Variants in ANKRD26 observed in about 807,000 individuals in gnomAD.
ANKRD26 encodes ankyrin repeat domain 26.
A neutral mutation model predicts 208.7 loss-of-function variants in ANKRD26; 141 were observed. That is an observed-to-expected ratio of 0.68 (90% CI 0.59 to 0.78). The LOEUF (loss-of-function observed/expected upper bound fraction) is 0.78. Ranked by LOEUF, ANKRD26 falls within the 30% of genes least tolerant of loss-of-function variation. The pLI is 0.00. For synonymous variants in ANKRD26, 636 were observed against 660.4 expected, an observed-to-expected ratio of 0.96 and a Z score of 0.57; for missense variants, 1,889 against 1,938.7, an observed-to-expected ratio of 0.97 and a Z score of 0.48.
At chr10:26,978,919 A>T (rs1250214782) in intron 5 of ANKRD26, among the ~76,000 whole-genome samples, 1 of 152,140 alleles carries the variant, frequency 6.6e-6, no homozygotes. Context: ...GTCCTACACC[A>T]ACTTAGAAAT....
intron 3 of ANKRD26, among the ~76,000 whole-genome samples, chr10:26,986,762 T>C (rs1307132963): frequency 6.6e-6 from 1 of 152,216 alleles, no homozygotes; most frequent in African/African-American, 2.4e-5. Flanking sequence ...ATGGTGATCA[T>C]TAAAAAGTCA....
At chr10:26,966,952 C>T in the ANKRD26 span, among the ~76,000 whole-genome samples, 5 of 152,152 alleles carry the variant, frequency 3.3e-5, no homozygotes, top group African/African-American at 1.2e-4. Context: ...TGCTTTTTTA[C>T]TTACCATGTA....
At chr10:27,042,339 G>A (rs1344969261) in intron 20 of ANKRD26, among the ~76,000 whole-genome samples, 1 of 152,226 alleles carries the variant, frequency 6.6e-6, no homozygotes, top group Non-Finnish European at 1.5e-5. Context: ...AAAACTGGCT[G>A]GGCACGGTGG....
intron 32 of ANKRD26, among the ~76,000 whole-genome samples, chr10:27,010,834 T>C (rs556686211): frequency 2.3e-4 from 35 of 152,174 alleles, no homozygotes; most frequent in Non-Finnish European, 4.9e-4. Flanking sequence ...ATTCATTTTC[T>C]TTTTGTACCC....
At chr10:26,989,483 A>G (rs1194497452), downstream of ANKRD26, among the ~76,000 whole-genome samples, 1 of 152,332 alleles carries the variant, frequency 6.6e-6, no homozygotes, top group African/African-American at 2.4e-5. Context: ...TTGCAGCCCA[A>G]AAGATTGACA....
rs1241657559 is a variant in ANKRD26 at position 27,037,873 on chromosome 10, G to C, written c.2557C>G (p.Gln853Glu). ...ATTTTTATCAAAAATTAATTTACCT[G>C]ATTCAAATTACTTTTTACAGTCCTC... ...ELRTVKSNLN[Q>E]VVQERNDAQR... is the part of the protein sequence containing the mutation. The change falls in exon 22 of 34, where the codon CAG becomes GAG. Residue 853 changes from glutamine to glutamate, a missense_variant and splice_region_variant. Physicochemically the swap from Gln to Glu is conservative, Grantham distance 29. This residue lies in a region of ANKRD26 where 1,272 missense variants were observed against 1,273.8 expected (regional missense o/e 1.00). Coordinates refer to ENST00000376087, the MANE Select transcript of ANKRD26 (RefSeq NM_014915.3). 7 of 1,603,810 alleles carry C rather than the reference G, an allele frequency of 4.4e-6. 1 individual carries two copies. In the Admixed American group the frequency reaches 8.4e-5, roughly 19 times the overall value.
At chr10:27,083,897 G>A (rs772109984) in intron 5 of ANKRD26, among the ~76,000 whole-genome samples, 1 of 152,018 alleles carries the variant, frequency 6.6e-6, no homozygotes, top group African/African-American at 2.4e-5. Flanking sequence ...ACAATGGCAG[G>A]GTTGCATAGC....
At chr10:27,030,309 T>C (rs1007686305) in intron 25 of ANKRD26, 5 of 885,690 alleles carry the variant, frequency 5.6e-6, no homozygotes, top group African/African-American at 1.8e-5. Context: ...TAAACAATTA[T>C]AGATTACTTT....
chr10:26,973,858 T>C (rs143145066), downstream of ANKRD26, among the ~76,000 whole-genome samples: 2,566 of 152,022 alleles, frequency 0.017, 161 homozygotes, highest in East Asian at 0.17. Flanking sequence ...GGTTTCGCCA[T>C]GTTGGCCAGG....
At chr10:27,047,739 A>AATAATTATTATT (rs1356208709) in intron 17 of ANKRD26, among the ~76,000 whole-genome samples, 14 of 49,338 alleles carry the variant, frequency 2.8e-4, no homozygotes, top group African/African-American at 5.3e-4. Flanking sequence ...TAATAATAAT[A>AATAATTATTATT]ATTATTATTA....
chr10:26,961,212 T>C, the ANKRD26 span, among the ~76,000 whole-genome samples: 1 of 112,910 alleles, frequency 8.9e-6, no homozygotes, highest in Non-Finnish European at 2.1e-5. Context: ...CGAGAATCCA[T>C]CTAAAAAAAA....
chr10:26,987,170 T>C (rs1313865911), downstream of ANKRD26, among the ~76,000 whole-genome samples: 1 of 152,012 alleles, frequency 6.6e-6, no homozygotes, highest in Non-Finnish European at 1.5e-5. Context: ...CTCAGCAAAC[T>C]ATTGCAAGGA....
At chr10:27,049,109 T>C in intron 16 of ANKRD26, 130 bp from the exon 17 acceptor site, 3 of 712,164 alleles carry the variant, frequency 4.2e-6, no homozygotes, top group Non-Finnish European at 6.8e-6. Flanking sequence ...ATTTTCTGCT[T>C]ACTCTAATGG....
At chr10:26,967,969 C>T in the ANKRD26 span, among the ~76,000 whole-genome samples, 1 of 152,170 alleles carries the variant, frequency 6.6e-6, no homozygotes, top group African/African-American at 2.4e-5. Flanking sequence ...CCCTGCAACC[C>T]CTCAATCCGC....
chr10:26,994,599 G>A (rs908785801), intron 5 of ANKRD26, among the ~76,000 whole-genome samples: 2 of 152,188 alleles, frequency 1.3e-5, no homozygotes, highest in African/African-American at 4.8e-5. Flanking sequence ...CCAGATGGGG[G>A]CTGGTGGCTC....
chr10:27,074,022 A>C (rs1397979617), intron 9 of ANKRD26, among the ~76,000 whole-genome samples: 3 of 152,178 alleles, frequency 2.0e-5, no homozygotes, highest in East Asian at 1.9e-4. Flanking sequence ...ATAAAAAAAA[A>C]CCCAGTCAAA....
chr10:27,047,167 T>C (rs1326349571), intron 17 of ANKRD26, among the ~76,000 whole-genome samples: 2 of 152,212 alleles, frequency 1.3e-5, no homozygotes, highest in African/African-American at 4.8e-5. Flanking sequence ...ATGAAGTTTA[T>C]TTTAAATGAA....
At chr10:26,958,067 C>T in the ANKRD26 span, among the ~76,000 whole-genome samples, 1 of 126,774 alleles carries the variant, frequency 7.9e-6, no homozygotes, top group African/African-American at 2.8e-5. Flanking sequence ...ATCCCATCAC[C>T]CAGTTTTATA....
chr10:26,986,129 T>A (rs1246339033), intron 3 of ANKRD26, among the ~76,000 whole-genome samples: 1 of 152,092 alleles, frequency 6.6e-6, no homozygotes, highest in Non-Finnish European at 1.5e-5. Context: ...ATGCCATATA[T>A]CTACAACTAT....
Sources: gnomAD v4.1 joint callset for allele counts (sites outside exome capture counted in the v4.1 genomes callset) on GRCh38, gnomAD v4.1.1 for gene constraint, gnomAD v4.1.1 regional missense constraint, MANE v1.5 for transcripts, NCBI Gene and HGNC (gene_info 2026-07-23, HGNC 2026-07-21) for gene names.